The following AFAP1 variants were observed in gnomAD, a reference collection of about 807,000 sequenced individuals.
AFAP1 encodes actin filament associated protein 1.
A neutral mutation model predicts 93.9 loss-of-function variants in AFAP1; 75 were observed. That is an observed-to-expected ratio of 0.80 (90% CI 0.66 to 0.97). The LOEUF (loss-of-function observed/expected upper bound fraction) is 0.97. Ranked by LOEUF, AFAP1 falls within the 50% of genes least tolerant of loss-of-function variation. The pLI, the probability that AFAP1 is intolerant of heterozygous loss-of-function variation, is 0.00. For missense variants in AFAP1, 1,201 were observed against 1,050.8 expected, an observed-to-expected ratio of 1.14 and a Z score of -1.98; for synonymous variants, 517 against 430.7, an observed-to-expected ratio of 1.20 and a Z score of -2.48.
chr4:7,855,127 T>A (rs1714900526), intron 4 of AFAP1, among the ~76,000 whole-genome samples: 1 of 152,170 alleles, frequency 6.6e-6, no homozygotes, highest in African/African-American at 2.4e-5. Flanking sequence ...CCCAAGAGCA[T>A]CAAAGACTAA....
intron 1 of AFAP1, among the ~76,000 whole-genome samples, chr4:7,903,197 C>T (rs932292191): frequency 9.9e-5 from 15 of 152,092 alleles, no homozygotes; most frequent in African/African-American, 3.6e-4. Flanking sequence ...ATTCATTCAA[C>T]AAATATTGAC....
chr4:7,920,855 T>C (rs553935378), intron 1 of AFAP1, among the ~76,000 whole-genome samples: 11 of 152,218 alleles, frequency 7.2e-5, no homozygotes, highest in African/African-American at 2.4e-4. Flanking sequence ...AGAAAAAAAT[T>C]CCCTAAACCT....
intron 8 of AFAP1, among the ~76,000 whole-genome samples, chr4:7,812,180 C>G (rs1201140108): frequency 6.6e-6 from 1 of 152,176 alleles, no homozygotes; most frequent in African/African-American, 2.4e-5. Context: ...TGTTTCACCA[C>G]AGCCGCATTC....
intron 11 of AFAP1, chr4:7,788,622 A>G (rs1560158682): frequency 6.6e-6 from 1 of 152,274 alleles, no homozygotes; most frequent in African/African-American, 2.4e-5. Context: ...GCAAAACTTG[A>G]ACATTTAAGA....
chr4:7,804,209 C>G (rs1402431817), intron 9 of AFAP1, among the ~76,000 whole-genome samples: 1 of 152,212 alleles, frequency 6.6e-6, no homozygotes, highest in Non-Finnish European at 1.5e-5. Flanking sequence ...CAGGTGGTGC[C>G]AGAGTGCAGC....
chr4:7,832,172 TA>T (rs1711707949), intron 6 of AFAP1, among the ~76,000 whole-genome samples: 1 of 152,094 alleles, frequency 6.6e-6, no homozygotes, highest in South Asian at 2.1e-4. Flanking sequence ...GGCTGATGTA[TA>T]ACATATTAAA....
intron 1 of AFAP1, among the ~76,000 whole-genome samples, chr4:7,911,398 C>G (rs1172457313): frequency 5.3e-5 from 8 of 152,196 alleles, no homozygotes; most frequent in African/African-American, 1.9e-4. Flanking sequence ...CAGGCATGTA[C>G]AACACAGGCG....
At chr4:7,898,369 T>C (rs868081184) in intron 1 of AFAP1, among the ~76,000 whole-genome samples, 7 of 151,756 alleles carry the variant, frequency 4.6e-5, no homozygotes, top group Non-Finnish European at 7.4e-5. Context: ...AATCATGCCA[T>C]TGCACTCCAG....
rs116744451 is a variant in AFAP1, at chr4:7,875,262, C to T, written c.-2-3182G>A. 5.9e-3 allele frequency among the ~76,000 whole-genome samples: 899 copies of T among 152,290 alleles called. 7 individuals carry two copies. Among genetic ancestry groups the T allele is most frequent in the African/African-American group, 0.019 (786 of 41,546 alleles). On this transcript the variant is annotated intron_variant, in intron 1 of 17. Coordinates refer to ENST00000420658, the MANE Select transcript of AFAP1 (RefSeq NM_001134647.2). The stretch of plus-strand genomic sequence containing the variant: ...GATCCATACTGAGGCTGCCGTGCAC[C>T]ATCAAGGCTCTCATCATTTTAGGTA...
At chr4:7,857,301 T>C (rs1356435917) in intron 3 of AFAP1, among the ~76,000 whole-genome samples, 2 of 152,190 alleles carry the variant, frequency 1.3e-5, no homozygotes, top group African/African-American at 4.8e-5. Context: ...AACTCATCTC[T>C]GAAGCCAAGA....
chr4:7,834,480 A>C (rs189511204), intron 6 of AFAP1, among the ~76,000 whole-genome samples: 13 of 152,370 alleles, frequency 8.5e-5, no homozygotes, highest in South Asian at 8.3e-4. Flanking sequence ...ATGTCACCAA[A>C]CACCACCTGT....
intron 10 of AFAP1, among the ~76,000 whole-genome samples, chr4:7,798,488 C>T (rs904427800): frequency 8.1e-5 from 12 of 148,408 alleles, no homozygotes; most frequent in East Asian, 1.9e-4. Context: ...GGCTGGCTCA[C>T]GGCATTTCAC....
intron 1 of AFAP1, among the ~76,000 whole-genome samples, chr4:7,902,193 T>C (rs1233917279): frequency 6.6e-6 from 1 of 152,154 alleles, no homozygotes; most frequent in Middle Eastern, 3.2e-3. Context: ...AGGGGACAGA[T>C]AATAATCAGT....
intron 1 of AFAP1, among the ~76,000 whole-genome samples, chr4:7,914,368 A>ATG (rs1314978964): frequency 1.3e-5 from 2 of 152,220 alleles, no homozygotes; most frequent in East Asian, 3.9e-4. Flanking sequence ...AACTATATAT[A>ATG]TTCTTGTTAT....
intron 3 of AFAP1, among the ~76,000 whole-genome samples, chr4:7,868,385 A>G (rs908664420): frequency 6.6e-6 from 1 of 152,138 alleles, no homozygotes. Context: ...TAGGTAATTT[A>G]TGGTGGTGTG....
intron 10 of AFAP1, among the ~76,000 whole-genome samples, chr4:7,796,678 G>C (rs899301832): frequency 2.0e-5 from 3 of 151,180 alleles, no homozygotes; most frequent in African/African-American, 7.3e-5. Context: ...GTGAACCCGG[G>C]AGACGGAGCT....
chr4:7,888,689 G>C (rs1448059435), intron 1 of AFAP1, among the ~76,000 whole-genome samples: 4 of 152,114 alleles, frequency 2.6e-5, no homozygotes, highest in Non-Finnish European at 4.4e-5. Flanking sequence ...AAAATTAAAG[G>C]GAAGGGCCAG....
At chr4:7,915,676 T>C (rs1720048705) in intron 1 of AFAP1, among the ~76,000 whole-genome samples, 1 of 152,208 alleles carries the variant, frequency 6.6e-6, no homozygotes, top group Non-Finnish European at 1.5e-5. Context: ...TTCCTCAACA[T>C]TAACCAGGAA....
chr4:7,855,274 G>A lies in AFAP1; in HGVS notation c.334+192C>T, dbSNP rs538775746. 2.0e-5 allele frequency among the ~76,000 whole-genome samples: 3 copies of A among 152,346 alleles called. No individual in the cohort carries two copies. In the South Asian group the frequency reaches 6.2e-4, roughly 32 times the overall value. On this transcript the variant is annotated intron_variant, in intron 4 of 17. Coordinates refer to ENST00000420658, the MANE Select transcript of AFAP1 (RefSeq NM_001134647.2). ...CAAGGAAGACAGCAATCGGAAGAGA[G>A]GCTTGTGTGTGAGGCACTCGGTGTC...
Sources: allele counts gnomAD v4.1 joint callset (sites outside exome capture counted in the v4.1 genomes callset), GRCh38; gene constraint gnomAD v4.1.1; transcripts MANE v1.5; gene names NCBI Gene and HGNC (gene_info 2026-07-23, HGNC 2026-07-21).